The following CADPS2 variants were observed in gnomAD, a reference collection of about 807,000 sequenced individuals.
CADPS2 encodes the protein calcium dependent secretion activator 2.
CADPS2 carries 93 observed loss-of-function variants against 172.5 expected under a neutral mutation model. That is an observed-to-expected ratio of 0.54 (90% CI 0.46 to 0.64). The LOEUF is 0.64. CADPS2 is among the 30% of genes least tolerant of loss of function. The probability of loss-of-function intolerance (pLI) is 0.00; values close to 1 mark genes in which losing one functional copy is unlikely to be tolerated. For missense variants in CADPS2, 1,420 were observed against 1,565.9 expected (o/e 0.91, Z 1.57); for synonymous variants, 546 against 555.2 (o/e 0.98, Z 0.23).
At chr7:122,378,447 C>T (rs118125421) in intron 25 of CADPS2, among the ~76,000 whole-genome samples, 2,328 of 152,188 alleles carry the variant, frequency 0.015, 31 homozygotes, top group Non-Finnish European at 0.023. Context: ...AAATAGTATA[C>T]TATTGTAGCT....
At chr7:122,819,860 C>T (rs1258872717) in intron 1 of CADPS2, among the ~76,000 whole-genome samples, 1 of 152,058 alleles carries the variant, frequency 6.6e-6, no homozygotes, top group Non-Finnish European at 1.5e-5. Flanking sequence ...ATCATGCACC[C>T]CTTACCATCT....
chr7:122,793,345 G>A (rs1795679077), intron 1 of CADPS2, among the ~76,000 whole-genome samples: 1 of 152,086 alleles, frequency 6.6e-6, no homozygotes, highest in African/African-American at 2.4e-5. Context: ...GATAGTGAGA[G>A]CTTCTTGCTG....
intron 1 of CADPS2, among the ~76,000 whole-genome samples, chr7:122,882,617 C>CTTTT (rs35781696): frequency 3.0e-3 from 413 of 136,836 alleles, no homozygotes; most frequent in Middle Eastern, 0.023. Context: ...CCAAGGAACC[C>CTTTT]TTTTTTTTTT....
chr7:122,683,001 G>A (rs1184326034), intron 2 of CADPS2, among the ~76,000 whole-genome samples: 2 of 152,220 alleles, frequency 1.3e-5, no homozygotes, highest in East Asian at 3.8e-4. Flanking sequence ...GTGGGAGCAG[G>A]CTCTGTGTGG....
chr7:122,705,162 T>C (rs1168397256), intron 2 of CADPS2, among the ~76,000 whole-genome samples: 2 of 151,884 alleles, frequency 1.3e-5, no homozygotes, highest in Admixed American at 6.6e-5. Flanking sequence ...GAGAGATCTG[T>C]ACAAGTTACC....
chr7:122,675,589 C>G (rs535323749), intron 2 of CADPS2, among the ~76,000 whole-genome samples: 17 of 152,144 alleles, frequency 1.1e-4, no homozygotes, highest in South Asian at 1.0e-3. Flanking sequence ...GTGCATATGT[C>G]TGAATAAAGA....
At chr7:122,758,822 A>G (rs1352800235) in intron 1 of CADPS2, among the ~76,000 whole-genome samples, 1 of 152,150 alleles carries the variant, frequency 6.6e-6, no homozygotes. Context: ...ATAGCTGCAA[A>G]CCATTAACGT....
At chr7:122,741,124 T>TATA (rs1338052664) in intron 1 of CADPS2, among the ~76,000 whole-genome samples, 10 of 152,196 alleles carry the variant, frequency 6.6e-5, no homozygotes, top group Admixed American at 6.5e-4. Context: ...GCCACATCTA[T>TATA]AAACAGTGGT....
chr7:122,676,553 G>C, intron 2 of CADPS2: 1 of 636,218 alleles, frequency 1.6e-6, no homozygotes, highest in Non-Finnish European at 2.6e-6. Flanking sequence ...GTTGGAGAAG[G>C]ATGCTGTTAG....
At chr7:122,381,313 G>T (rs1307279764) in intron 24 of CADPS2, among the ~76,000 whole-genome samples, 1 of 152,048 alleles carries the variant, frequency 6.6e-6, no homozygotes, top group African/African-American at 2.4e-5. Context: ...ACCTCTTTAG[G>T]GGTAGAAGAG....
chr7:122,356,328 C>A (rs1343575948), intron 27 of CADPS2, among the ~76,000 whole-genome samples: 1 of 152,102 alleles, frequency 6.6e-6, no homozygotes, highest in Non-Finnish European at 1.5e-5. Context: ...GATTAGACTG[C>A]AGTTACAAGA....
At chr7:122,755,041 TAAG>T (rs1361507953) in intron 1 of CADPS2, among the ~76,000 whole-genome samples, 1 of 152,186 alleles carries the variant, frequency 6.6e-6, no homozygotes, top group Admixed American at 6.5e-5. Context: ...CTTTGTCCAT[TAAG>T]ACAGGCAGCT....
intron 1 of CADPS2, among the ~76,000 whole-genome samples, chr7:122,818,892 G>A (rs568917433): frequency 5.7e-4 from 87 of 152,142 alleles, no homozygotes; most frequent in East Asian, 4.4e-3. Flanking sequence ...ACCCTGAGAC[G>A]CTTTACAGCC....
intron 4 of CADPS2, among the ~76,000 whole-genome samples, chr7:122,628,434 T>C (rs2076280304): frequency 1.3e-5 from 2 of 152,104 alleles, no homozygotes; most frequent in South Asian, 2.1e-4. Flanking sequence ...GTATACATGT[T>C]ACGAGAGAGA....
At chr7:122,556,577 G>A (rs2065056334) in intron 7 of CADPS2, among the ~76,000 whole-genome samples, 1 of 152,086 alleles carries the variant, frequency 6.6e-6, no homozygotes, top group Admixed American at 6.6e-5. Flanking sequence ...TGCTGATGAT[G>A]GCTTGCTAAA....
intron 1 of CADPS2, among the ~76,000 whole-genome samples, chr7:122,754,627 C>A (rs1357702497): frequency 6.6e-6 from 1 of 152,046 alleles, no homozygotes; most frequent in Admixed American, 6.6e-5. Context: ...CAGGTGCCCA[C>A]CATCACGCCC....
intron 1 of CADPS2, among the ~76,000 whole-genome samples, chr7:122,872,644 A>ATT (rs1240055245): frequency 2.0e-5 from 3 of 152,084 alleles, no homozygotes; most frequent in African/African-American, 7.2e-5. Flanking sequence ...ACTAAGCAGT[A>ATT]TTTTTAGTTT....
chr7:122,626,153 G>A (rs2076069846), intron 4 of CADPS2, among the ~76,000 whole-genome samples: 1 of 151,712 alleles, frequency 6.6e-6, no homozygotes, highest in African/African-American at 2.4e-5. Context: ...GATCACACAG[G>A]ACTTTGCAGG....
intron 2 of CADPS2, among the ~76,000 whole-genome samples, chr7:122,673,480 G>C (rs1178629229): frequency 6.6e-6 from 1 of 152,116 alleles, no homozygotes; most frequent in African/African-American, 2.4e-5. Flanking sequence ...ACAGAGTGCT[G>C]AATGGTGTGT....
Sources: allele counts gnomAD v4.1 joint callset (sites outside exome capture counted in the v4.1 genomes callset), GRCh38; gene constraint gnomAD v4.1.1; transcripts MANE v1.5; gene names NCBI Gene and HGNC (gene_info 2026-07-23, HGNC 2026-07-21).